STXBP3: variants seen among roughly 807,000 people sequenced by gnomAD.
The protein encoded by STXBP3 is syntaxin-binding protein 3.
A neutral mutation model predicts 85.7 loss-of-function variants in STXBP3; 41 were observed. The ratio of observed to expected loss-of-function variants is 0.48; its 90% confidence interval spans 0.37 to 0.62. The LOEUF (loss-of-function observed/expected upper bound fraction) is 0.62. Among genes scored for constraint, STXBP3 ranks in the 20% least tolerant of loss-of-function variants. The pLI, the probability that STXBP3 is intolerant of heterozygous loss-of-function variation, is 0.00. For missense variants in STXBP3, 563 were observed against 703.1 expected (o/e 0.80, Z 2.25); for synonymous variants, 229 against 231.7 (o/e 0.99, Z 0.10).
intron 17 of STXBP3, among the ~76,000 whole-genome samples, chr1:108,802,655 T>G (rs1008477665): frequency 1.3e-5 from 2 of 152,238 alleles, no homozygotes; most frequent in African/African-American, 4.8e-5. Context: ...ATATTCAAGA[T>G]TAAATGCTTC....
intron 11 of STXBP3, among the ~76,000 whole-genome samples, chr1:108,783,629 T>C (rs1436800010): frequency 2.0e-5 from 3 of 152,194 alleles, no homozygotes; most frequent in Non-Finnish European, 4.4e-5. Flanking sequence ...ATGGATTTTT[T>C]TGTACATGTA....
chr1:108,782,663 T>G lies in STXBP3; in HGVS notation c.920T>G (p.Leu307Arg), dbSNP rs532898323. 7 of 1,609,130 alleles carry G rather than the reference T, an allele frequency of 4.4e-6. No individual in the cohort carries two copies. The South Asian group carries it at 7.8e-5, about 18-fold the overall frequency. ...IAVVLEEIPK[L>R]MKEISSTKKA... ...CAATTTGACAGGGAAATTCCCAAGC[T>G]TATGAAAGAAATTTCATCAACAAAG... Residue 307 changes from leucine to arginine, a missense_variant, in exon 11 of 19, where the codon CTT (leucine) becomes CGT (arginine). Physicochemically the swap from Leu to Arg is moderately radical, Grantham distance 102. This residue lies in a region of STXBP3 where 494 missense variants were observed against 592.8 expected (regional missense o/e 0.83). Transcript: ENST00000370008.
intron 6 of STXBP3, among the ~76,000 whole-genome samples, chr1:108,763,479 T>C (rs777198424): frequency 5.3e-5 from 8 of 152,152 alleles, no homozygotes; most frequent in Non-Finnish European, 1.2e-4. Context: ...AATGATGATA[T>C]ATTTCCAAAA....
At position 108,758,548 on chromosome 1, in the gene STXBP3, G is replaced by A. The variant is rs375722537; in HGVS notation, c.297G>A (p.Ser99=). The change falls in exon 5 of 19, where the codon TCG becomes TCA. Residue 99 remains serine (S), a synonymous_variant. Transcript: ENST00000370008. ...DCFLHDFASK[S]ENKYKAAYIY... ...TCTTACATGATTTTGCAAGTAAATC[G>A]GAGAACAAGTATAAAGCAGCATATA... The A allele has an allele frequency of 5.3e-4, 824 of 1,542,970 alleles. 12 individuals are homozygous for A. The South Asian group carries it at 8.8e-3, about 16-fold the overall frequency.
At position 108,766,135 on chromosome 1, in the gene STXBP3, C is replaced by G. The variant is rs1012377497; in HGVS notation, c.438+6050C>G. 6.6e-5 allele frequency among the ~76,000 whole-genome samples: 10 copies of G among 151,748 alleles called. No individual in the cohort carries two copies. In the East Asian group the frequency reaches 1.9e-3, roughly 29 times the overall value. The stretch of plus-strand genomic sequence containing the variant: ...TACCAAAGTGCTGGGGTTACAGTTA[C>G]AAGCCACCGTGCCTAGCTGATTTTA... On this transcript the variant is annotated intron_variant, in intron 6 of 18. Coordinates refer to ENST00000370008, the MANE Select transcript of STXBP3 (RefSeq NM_007269.4).
intron 17 of STXBP3, among the ~76,000 whole-genome samples, chr1:108,803,109 T>C (rs1663265134): frequency 6.6e-6 from 1 of 152,236 alleles, no homozygotes; most frequent in African/African-American, 2.4e-5. Context: ...TCTTTACTTT[T>C]GTTTTATTTT....
Position 108,796,400 on chromosome 1 carries a change from G to C in STXBP3, c.1249+28G>C, listed in dbSNP as rs529323829. 3.6e-6 allele frequency: 5 copies of C among 1,400,276 alleles called. No individual in the cohort carries two copies. The South Asian group carries it at 5.1e-5, about 14-fold the overall frequency. The allele number at this position is 1,400,276 out of a possible 1,614,324, so 86.7% of individuals were successfully genotyped here. On this transcript the variant is annotated intron_variant, in intron 14 of 18. Transcript: ENST00000370008. The stretch of plus-strand genomic sequence containing the variant: ...AATGGAGATAATCACTTTTTAATAA[G>C]TATTTTACTATTGATCATAAAAGAA...
At chr1:108,756,389 GTTA>G (rs1431918749) in intron 3 of STXBP3, among the ~76,000 whole-genome samples, 5 of 151,904 alleles carry the variant, frequency 3.3e-5, no homozygotes, top group African/African-American at 4.8e-5. Flanking sequence ...TACTTGCAAG[GTTA>G]TTATGAATTT....
Position 108,808,993 on chromosome 1 carries a change from C to T in STXBP3, c.*116C>T. Reference sequence around the variant, plus strand: ...AATATTTTATGGAATAATGGCTTTTCAAATACATTTCTTAAGGAACTGTTT... The same window carrying T: ...AATATTTTATGGAATAATGGCTTTTTAAATACATTTCTTAAGGAACTGTTT... On this transcript the variant is annotated 3_prime_UTR_variant, in exon 19 of 19. Coordinates refer to ENST00000370008, the MANE Select transcript of STXBP3 (RefSeq NM_007269.4). The T allele has an allele frequency of 1.5e-6, 1 of 675,748 alleles. No individual in the cohort carries two copies. The highest frequency in any genetic ancestry group is 1.9e-5 in the African/African-American group (1 of 53,604). The allele number at this position is 675,748 out of a possible 1,614,324, so 41.9% of individuals were successfully genotyped here.
intron 6 of STXBP3, among the ~76,000 whole-genome samples, chr1:108,762,431 T>C (rs573502181): frequency 1.3e-5 from 2 of 150,278 alleles, no homozygotes; most frequent in Non-Finnish European, 3.0e-5. Context: ...GGGTCTAGTC[T>C]CCTAGGCATG....
At chr1:108,797,339 CA>C (rs34395473) in intron 15 of STXBP3, among the ~76,000 whole-genome samples, 10 of 85,796 alleles carry the variant, frequency 1.2e-4, no homozygotes, top group Admixed American at 2.5e-4. Flanking sequence ...GACTCTGTCT[CA>C]AAAAAAAAAA....
intron 18 of STXBP3, 93 bp downstream of exon 18, chr1:108,807,642 T>C (rs1395750224): frequency 3.1e-5 from 42 of 1,350,994 alleles, no homozygotes; most frequent in Non-Finnish European, 4.2e-5. Flanking sequence ...AATGGCGCAA[T>C]CTTGGCTCAC....
intron 11 of STXBP3, among the ~76,000 whole-genome samples, chr1:108,787,491 CAG>C (rs1205530822): frequency 1.3e-5 from 2 of 151,936 alleles, no homozygotes; most frequent in Non-Finnish European, 2.9e-5. Context: ...TAAAACAAAA[CAG>C]AACAACAACA....
chr1:108,753,729 C>G (rs1296233286), intron 3 of STXBP3, among the ~76,000 whole-genome samples: 1 of 152,002 alleles, frequency 6.6e-6, no homozygotes, highest in Non-Finnish European at 1.5e-5. Context: ...TCTGTATTAC[C>G]TATTGAGGAA....
intron 1 of STXBP3, among the ~76,000 whole-genome samples, chr1:108,747,567 C>T (rs1661817326): frequency 6.6e-6 from 1 of 152,176 alleles, no homozygotes; most frequent in African/African-American, 2.4e-5. Context: ...AATGAAACCA[C>T]CCAACAGGAA....
chr1:108,807,346 G>T (rs1663361318), intron 17 of STXBP3, 55 bp from the exon 18 acceptor site: 6 of 1,542,294 alleles, frequency 3.9e-6, no homozygotes, highest in African/African-American at 1.4e-5. Flanking sequence ...CAAGCATTAT[G>T]GCTTTGGAAA....
At chr1:108,783,017 C>T (rs1382789681) in intron 11 of STXBP3, among the ~76,000 whole-genome samples, 1 of 152,154 alleles carries the variant, frequency 6.6e-6, no homozygotes, top group Non-Finnish European at 1.5e-5. Context: ...ATTGTTTTGC[C>T]TCAGCGGGAT....
intron 17 of STXBP3, among the ~76,000 whole-genome samples, chr1:108,806,989 T>C (rs996365368): frequency 5.3e-5 from 8 of 152,094 alleles, no homozygotes; most frequent in Non-Finnish European, 1.0e-4. Context: ...CGCGGTGGCT[T>C]ATGCCTGTTA....
At chr1:108,787,002 T>C (rs553974897) in intron 11 of STXBP3, among the ~76,000 whole-genome samples, 1 of 152,330 alleles carries the variant, frequency 6.6e-6, no homozygotes, top group Non-Finnish European at 1.5e-5. Context: ...TTCTAGGTAT[T>C]TGATTTTTTG....
Sources: gnomAD v4.1 joint callset for allele counts (sites outside exome capture counted in the v4.1 genomes callset) on GRCh38, gnomAD v4.1.1 for gene constraint, gnomAD v4.1.1 regional missense constraint, MANE v1.5 for transcripts, NCBI Gene and HGNC (gene_info 2026-07-23, HGNC 2026-07-21) for gene names.